Variants in PTPRD observed in about 807,000 individuals in gnomAD.
PTPRD encodes the protein receptor-type tyrosine-protein phosphatase delta.
In PTPRD, 34 loss-of-function variants were observed where a neutral mutation model predicts 214.5. That is an observed-to-expected ratio of 0.16 (90% CI 0.12 to 0.21). The LOEUF (loss-of-function observed/expected upper bound fraction) is 0.21. PTPRD is among the 10% of genes least tolerant of loss of function. The pLI is 1.00. For synonymous variants in PTPRD, 1,128 were observed against 845.7 expected (o/e 1.33, Z -5.79); for missense variants, 2,545 against 2,398.7 (o/e 1.06, Z -1.27).
intron 8 of PTPRD, among the ~76,000 whole-genome samples, chr9:9,444,593 T>C (rs1165504976): frequency 6.6e-6 from 1 of 152,168 alleles, no homozygotes; most frequent in African/African-American, 2.4e-5. Context: ...AATTAAGGTA[T>C]AGGAGATAGT....
chr9:10,261,963 C>G (rs1342920317), intron 3 of PTPRD, among the ~76,000 whole-genome samples: 1 of 152,004 alleles, frequency 6.6e-6, no homozygotes, highest in Non-Finnish European at 1.5e-5. Flanking sequence ...TATATAGATT[C>G]AGGGAATTAA....
chr9:9,433,702 T>G (rs2084096487), intron 8 of PTPRD, among the ~76,000 whole-genome samples: 1 of 152,204 alleles, frequency 6.6e-6, no homozygotes, highest in African/African-American at 2.4e-5. Flanking sequence ...TGAAAAATCA[T>G]CTTCTTGATT....
At chr9:9,331,216 CT>C (rs1347937727) in intron 9 of PTPRD, among the ~76,000 whole-genome samples, 2 of 152,088 alleles carry the variant, frequency 1.3e-5, no homozygotes, top group African/African-American at 4.8e-5. Flanking sequence ...AGTTTCCCCT[CT>C]TTTATAACTT....
At chr9:9,151,972 G>C (rs1015045887) in intron 10 of PTPRD, among the ~76,000 whole-genome samples, 1 of 152,196 alleles carries the variant, frequency 6.6e-6, no homozygotes, top group Non-Finnish European at 1.5e-5. Flanking sequence ...GACTGAATTT[G>C]ATTTGGAGTT....
At chr9:8,874,182 G>T (rs1313143758) in intron 11 of PTPRD, among the ~76,000 whole-genome samples, 1 of 152,136 alleles carries the variant, frequency 6.6e-6, no homozygotes, top group African/African-American at 2.4e-5. Flanking sequence ...ACATTTAACG[G>T]TAATGAAACT....
At chr9:9,042,307 G>A (rs2099642540) in intron 10 of PTPRD, among the ~76,000 whole-genome samples, 1 of 152,136 alleles carries the variant, frequency 6.6e-6, no homozygotes, top group African/African-American at 2.4e-5. Context: ...ATGTGGATGG[G>A]TTCCGGCAAG....
chr9:9,806,883 A>C (rs1436087058), intron 5 of PTPRD, among the ~76,000 whole-genome samples: 1 of 152,162 alleles, frequency 6.6e-6, no homozygotes, highest in Non-Finnish European at 1.5e-5. Flanking sequence ...ATGTAACTTC[A>C]GTAAACACAC....
chr9:9,449,237 T>C (rs968226144), intron 8 of PTPRD, among the ~76,000 whole-genome samples: 1 of 152,070 alleles, frequency 6.6e-6, no homozygotes, highest in Non-Finnish European at 1.5e-5. Flanking sequence ...TTTGGAATTA[T>C]AGATATTGTA....
rs566114628 is a variant in PTPRD at position 8,458,520 on chromosome 9, T to C, written c.3875+1891A>G. ...TCCCTTGTTTTTTGACCTACTCCCA[T>C]AGTAGTATGTGACTACCTAAATCAA... On this transcript the variant is annotated intron_variant, in intron 33 of 45. Transcript: ENST00000381196. 1.1e-4 allele frequency among the ~76,000 whole-genome samples: 17 copies of C among 152,286 alleles called. No individual in the cohort carries two copies. In the South Asian group the frequency reaches 1.2e-3, roughly 11 times the overall value.
intron 9 of PTPRD, among the ~76,000 whole-genome samples, chr9:9,364,188 T>C (rs2057179485): frequency 6.6e-6 from 1 of 151,422 alleles, no homozygotes; most frequent in African/African-American, 2.4e-5. Flanking sequence ...TGATCGTTTT[T>C]CTCTGTTGTG....
intron 3 of PTPRD, among the ~76,000 whole-genome samples, chr9:10,269,100 C>A (rs901664162): frequency 3.9e-5 from 6 of 152,150 alleles, no homozygotes; most frequent in African/African-American, 1.4e-4. Flanking sequence ...ACCTTTTGCT[C>A]CTCCATCCAA....
chr9:9,685,988 A>T (rs1392749057), intron 7 of PTPRD, among the ~76,000 whole-genome samples: 2 of 151,386 alleles, frequency 1.3e-5, no homozygotes, highest in Non-Finnish European at 3.0e-5. Context: ...AACTGAAAAA[A>T]TCTTCCTGAC....
intron 12 of PTPRD, among the ~76,000 whole-genome samples, chr9:8,722,013 T>C (rs2098504652): frequency 1.3e-5 from 2 of 152,204 alleles, no homozygotes. Flanking sequence ...CACTGGGTTG[T>C]CACAACTGGA....
chr9:10,510,861 T>C (rs962417992), intron 2 of PTPRD, among the ~76,000 whole-genome samples: 6 of 152,124 alleles, frequency 3.9e-5, no homozygotes, highest in African/African-American at 1.4e-4. Flanking sequence ...CCCTCCCCAG[T>C]ATCCTTCCCA....
rs377141403 is a variant in PTPRD, at chr9:9,962,395, T to C, written c.-471-23785A>G. Among the ~76,000 whole-genome samples, 215 of 152,222 alleles carry C rather than the reference T, an allele frequency of 1.4e-3. 5 individuals are homozygous for C. In the South Asian group the frequency reaches 0.043, roughly 31 times the overall value. On this transcript the variant is annotated intron_variant, in intron 4 of 45. Transcript: ENST00000381196. ...TACCAACAAACAATTTGATTTCCTA[T>C]CTATCCAGCTAAACAAATCCTTTAT...
At chr9:9,440,627 C>G (rs1182608304) in intron 8 of PTPRD, among the ~76,000 whole-genome samples, 2 of 152,160 alleles carry the variant, frequency 1.3e-5, no homozygotes, top group Non-Finnish European at 2.9e-5. Context: ...TATCTATTTA[C>G]CGATGGTAGA....
At chr9:8,812,529 T>C (rs1322840919) in intron 11 of PTPRD, among the ~76,000 whole-genome samples, 1 of 152,204 alleles carries the variant, frequency 6.6e-6, no homozygotes, top group Admixed American at 6.5e-5. Context: ...TAATATATTC[T>C]GAAAGTACAT....
chr9:10,108,571 CA>C (rs58436513), intron 3 of PTPRD, among the ~76,000 whole-genome samples: 7,969 of 151,880 alleles, frequency 0.052, 266 homozygotes, highest in Admixed American at 0.1. Flanking sequence ...CTCAAAAAAT[CA>C]AAAAATCCAA....
At position 8,473,150 on chromosome 9, in the gene PTPRD, T is replaced by C. The variant is rs961963175; in HGVS notation, c.3414-2065A>G. 2.0e-5 allele frequency among the ~76,000 whole-genome samples: 3 copies of C among 152,244 alleles called. No individual in the cohort carries two copies. In the East Asian group the frequency reaches 5.8e-4, roughly 29 times the overall value. ...AAACTTCTTTTCCCCTAATGGAGAA[T>C]TCAACTCAAACCAGACAACTATACC... On this transcript the variant is annotated intron_variant, in intron 30 of 45. Coordinates refer to ENST00000381196, the MANE Select transcript of PTPRD (RefSeq NM_002839.4).
Sources: gnomAD v4.1 joint callset for allele counts (sites outside exome capture counted in the v4.1 genomes callset) on GRCh38, gnomAD v4.1.1 for gene constraint, MANE v1.5 for transcripts, NCBI Gene and HGNC (gene_info 2026-07-23, HGNC 2026-07-21) for gene names.